The following LINGO2 variants were observed in gnomAD, a reference collection of about 807,000 sequenced individuals.
The protein encoded by LINGO2 is leucine rich repeat and Ig domain containing 2, also known as leucine-rich repeat and immunoglobulin-like domain-containing nogo receptor-interacting protein 2.
A neutral mutation model predicts 30.6 loss-of-function variants in LINGO2; 14 were observed. The ratio of observed to expected loss-of-function variants is 0.46; its 90% confidence interval spans 0.30 to 0.72. LINGO2 has a LOEUF of 0.72. Ranked by LOEUF, LINGO2 falls within the 30% of genes least tolerant of loss-of-function variation. LINGO2 has a pLI of 0.07. For missense variants in LINGO2, 729 were observed against 751.7 expected (o/e 0.97, Z 0.35); for synonymous variants, 317 against 288.5 (o/e 1.10, Z -1.00).
intron 4 of LINGO2, among the ~76,000 whole-genome samples, chr9:28,278,730 T>C (rs1304500459): frequency 6.6e-6 from 1 of 152,232 alleles, no homozygotes; most frequent in East Asian, 1.9e-4. Context: ...TTTACAAGAA[T>C]AATGTTGTTT....
chr9:28,973,942 T>C, the LINGO2 span, among the ~76,000 whole-genome samples: 3 of 152,182 alleles, frequency 2.0e-5, no homozygotes, highest in Non-Finnish European at 4.4e-5. Context: ...CAATAAATAA[T>C]TACCTGAGGG....
chr9:27,949,190 G>A (rs761188651), exon 6 of LINGO2: 52 of 1,614,092 alleles, frequency 3.2e-5, no homozygotes, highest in Non-Finnish European at 4.4e-5. Flanking sequence ...AGGAGGCTGT[G>A]AAGGTATCAT....
At chr9:27,997,970 G>T (rs1821753055) in intron 5 of LINGO2, among the ~76,000 whole-genome samples, 2 of 132,072 alleles carry the variant, frequency 1.5e-5, no homozygotes, top group African/African-American at 2.8e-5. Context: ...GGGAGGGGGG[G>T]AGGTGGACAC....
chr9:28,982,054 T>C, the LINGO2 span, among the ~76,000 whole-genome samples: 1 of 152,078 alleles, frequency 6.6e-6, no homozygotes, highest in Non-Finnish European at 1.5e-5. Flanking sequence ...TATGATATGG[T>C]TTATGAGTGT....
the LINGO2 span, among the ~76,000 whole-genome samples, chr9:29,027,887 C>T: frequency 6.6e-6 from 1 of 152,132 alleles, no homozygotes; most frequent in African/African-American, 2.4e-5. Flanking sequence ...TTACACAAAG[C>T]ATTGTGTATA....
intron 4 of LINGO2, among the ~76,000 whole-genome samples, chr9:28,046,320 T>C (rs1563940625): frequency 6.6e-6 from 1 of 152,148 alleles, no homozygotes; most frequent in African/African-American, 2.4e-5. Flanking sequence ...TCTCCAGTCT[T>C]AGCCTGTATC....
At chr9:29,116,663 T>G in the LINGO2 span, among the ~76,000 whole-genome samples, 312 of 152,016 alleles carry the variant, frequency 2.1e-3, no homozygotes, top group African/African-American at 7.3e-3. Flanking sequence ...GTATTTGAAC[T>G]TTATGATAAT....
intron 4 of LINGO2, among the ~76,000 whole-genome samples, chr9:28,255,493 G>A (rs947499167): frequency 1.3e-5 from 2 of 152,068 alleles, no homozygotes; most frequent in African/African-American, 2.4e-5. Flanking sequence ...TTTCTATAAA[G>A]TAGGGATACT....
chr9:28,659,009 G>A (rs1034792469), intron 1 of LINGO2, among the ~76,000 whole-genome samples: 3 of 152,056 alleles, frequency 2.0e-5, no homozygotes, highest in African/African-American at 7.2e-5. Flanking sequence ...AAAAGAGGGT[G>A]AAAGTAAATT....
intron 4 of LINGO2, among the ~76,000 whole-genome samples, chr9:28,178,518 T>C (rs1828810719): frequency 6.6e-6 from 1 of 152,144 alleles, no homozygotes; most frequent in South Asian, 2.1e-4. Context: ...TAAGCATTAA[T>C]ATTCATTACA....
At chr9:28,373,272 C>T (rs1359886629) in intron 2 of LINGO2, among the ~76,000 whole-genome samples, 1 of 152,106 alleles carries the variant, frequency 6.6e-6, no homozygotes, top group Non-Finnish European at 1.5e-5. Flanking sequence ...TTTTAAGGTG[C>T]TATTACAATT....
chr9:28,737,479 A>C, the LINGO2 span, among the ~76,000 whole-genome samples: 2 of 152,204 alleles, frequency 1.3e-5, no homozygotes, highest in Non-Finnish European at 2.9e-5. Flanking sequence ...TTACTGATGC[A>C]GTTAACTTTG....
At chr9:29,032,218 T>C in the LINGO2 span, among the ~76,000 whole-genome samples, 1 of 152,180 alleles carries the variant, frequency 6.6e-6, no homozygotes, top group South Asian at 2.1e-4. Flanking sequence ...AAGTTATCAG[T>C]ATATATTTCT....
the LINGO2 span, among the ~76,000 whole-genome samples, chr9:29,106,702 T>C: frequency 3.9e-5 from 6 of 152,314 alleles, no homozygotes; most frequent in Admixed American, 2.6e-4. Context: ...TATTAATAAC[T>C]ATTAATTAAG....
intron 1 of LINGO2, among the ~76,000 whole-genome samples, chr9:28,585,778 A>G (rs1035474854): frequency 4.6e-5 from 7 of 152,164 alleles, no homozygotes; most frequent in Admixed American, 1.3e-4. Flanking sequence ...ACAAGTTCCA[A>G]CAGAGATGGG....
intron 5 of LINGO2, among the ~76,000 whole-genome samples, chr9:27,958,580 A>G (rs373279333): frequency 1.3e-5 from 2 of 152,150 alleles, no homozygotes; most frequent in South Asian, 2.1e-4. Context: ...TATAACTTTT[A>G]TTATAGTATA....
intron 5 of LINGO2, among the ~76,000 whole-genome samples, chr9:27,970,016 C>T (rs948364150): frequency 6.6e-6 from 1 of 152,138 alleles, no homozygotes; most frequent in African/African-American, 2.4e-5. Flanking sequence ...TTATCAAGGC[C>T]TCATAATGTT....
chr9:28,886,157 G>A, the LINGO2 span, among the ~76,000 whole-genome samples: 129,547 of 152,118 alleles, frequency 0.85, 55,335 homozygotes, highest in Non-Finnish European at 0.89. Context: ...TTTGCTTTCA[G>A]TGTACTGACA....
the LINGO2 span, among the ~76,000 whole-genome samples, chr9:29,095,809 T>C: frequency 1.1e-3 from 158 of 138,666 alleles, 24 homozygotes; most frequent in Admixed American, 3.8e-3. Flanking sequence ...TGACCAATAC[T>C]GATTCATTAA....
Sources: gnomAD v4.1 joint callset for allele counts (sites outside exome capture counted in the v4.1 genomes callset) on GRCh38, gnomAD v4.1.1 for gene constraint, MANE v1.5 for transcripts, NCBI Gene and HGNC (gene_info 2026-07-23, HGNC 2026-07-21) for gene names.